Variants in GSKIP observed in about 807,000 individuals in gnomAD.
GSKIP encodes the protein GSK3B-interacting protein.
Under a neutral mutation model 11.9 loss-of-function variants are expected in GSKIP, and 5 were observed. That is an observed-to-expected ratio of 0.42 (90% CI 0.22 to 0.89). The LOEUF is 0.89. Among genes scored for constraint, GSKIP ranks in the 40% least tolerant of loss-of-function variants. GSKIP has a pLI of 0.29. For synonymous variants in GSKIP, 70 were observed against 62.9 expected (o/e 1.11, Z -0.54); for missense variants, 150 against 166.6 (o/e 0.90, Z 0.55).
At chr14:96,365,142 G>A (rs980675059) in intron 1 of GSKIP, 6 of 151,948 alleles carry the variant, frequency 3.9e-5, no homozygotes, top group Non-Finnish European at 2.9e-5. Flanking sequence ...TTGAAGGGAG[G>A]AGACATACAA....
At chr14:96,372,559 A>G (rs1407953857) in intron 1 of GSKIP, among the ~76,000 whole-genome samples, 1 of 152,268 alleles carries the variant, frequency 6.6e-6, no homozygotes, top group Non-Finnish European at 1.5e-5. Flanking sequence ...CATAAAACAT[A>G]TGGTGAGCAT....
rs546386007 is a variant in GSKIP at position 96,364,609 on chromosome 14, G to A, written c.-103+1041G>A. On this transcript the variant is annotated intron_variant, in intron 1 of 3. Coordinates refer to ENST00000555181, the MANE Select transcript of GSKIP (RefSeq NM_016472.5). ...AACCACCTTTTCGTTTTAGAACCAG[G>A]GTACTTTGTATGCAGTTGCTTGGAT... is the stretch of plus-strand genomic sequence containing the variant. The A allele has an allele frequency of 2.0e-5, 3 of 152,206 alleles. No individual in the cohort carries two copies. The East Asian group carries it at 5.8e-4, about 29-fold the overall frequency. The allele number at this position is 152,206 out of a possible 1,614,324, so 9.4% of individuals were successfully genotyped here.
At chr14:96,374,584 G>A (rs373734016) in intron 1 of GSKIP, among the ~76,000 whole-genome samples, 1 of 152,058 alleles carries the variant, frequency 6.6e-6, no homozygotes, top group Non-Finnish European at 1.5e-5. Flanking sequence ...TGCCCAGGCT[G>A]GTCATGAACT....
At chr14:96,365,014 T>G (rs1488665067) in intron 1 of GSKIP, 1 of 151,976 alleles carries the variant, frequency 6.6e-6, no homozygotes, top group East Asian at 1.9e-4. Flanking sequence ...AAGTGGAAGT[T>G]TGTTCATTTA....
At chr14:96,373,955 T>C (rs1777222786) in intron 1 of GSKIP, among the ~76,000 whole-genome samples, 1 of 152,208 alleles carries the variant, frequency 6.6e-6, no homozygotes, top group South Asian at 2.1e-4. Flanking sequence ...ATGTCTGGCA[T>C]CCAGTCAGAA....
At chr14:96,368,746 C>G (rs1888967758) in intron 1 of GSKIP, among the ~76,000 whole-genome samples, 1 of 152,112 alleles carries the variant, frequency 6.6e-6, no homozygotes, top group African/African-American at 2.4e-5. Context: ...TTCTCTCTCA[C>G]TTCCCCTCCC....
intron 1 of GSKIP, among the ~76,000 whole-genome samples, chr14:96,371,657 G>A (rs1889051731): frequency 1.3e-5 from 2 of 152,034 alleles, no homozygotes; most frequent in Non-Finnish European, 2.9e-5. Flanking sequence ...ATGTTGGCCA[G>A]ACTGGTCACA....
At chr14:96,377,401 G>A (rs1232397464) in intron 1 of GSKIP, among the ~76,000 whole-genome samples, 1 of 152,186 alleles carries the variant, frequency 6.6e-6, no homozygotes, top group African/African-American at 2.4e-5. Flanking sequence ...AGTGTTGATA[G>A]TAATTCTAGT....
intron 1 of GSKIP, among the ~76,000 whole-genome samples, chr14:96,367,645 A>G (rs1197995050): frequency 6.6e-6 from 1 of 152,236 alleles, no homozygotes; most frequent in African/African-American, 2.4e-5. Flanking sequence ...ATGAAACAAA[A>G]TAGTCTAATA....
intron 1 of GSKIP, among the ~76,000 whole-genome samples, chr14:96,368,157 AAAGGTTTAC>A (rs892498566): frequency 1.3e-5 from 2 of 151,180 alleles, no homozygotes; most frequent in African/African-American, 4.9e-5. Flanking sequence ...GTTTCGAAGG[AAAGGTTTAC>A]AAGGTTGTAT....
intron 1 of GSKIP, among the ~76,000 whole-genome samples, chr14:96,377,121 G>C (rs576285370): frequency 6.6e-6 from 1 of 152,252 alleles, no homozygotes; most frequent in South Asian, 2.1e-4. Flanking sequence ...ATCTGATACA[G>C]TGGCCACTAG....
At chr14:96,380,640 G>A (rs943482549) in intron 2 of GSKIP, among the ~76,000 whole-genome samples, 1 of 152,176 alleles carries the variant, frequency 6.6e-6, no homozygotes. Flanking sequence ...AAATAGCAAT[G>A]GACTGTGCAG....
chr14:96,369,348 G>A (rs1888982934), intron 1 of GSKIP, among the ~76,000 whole-genome samples: 1 of 152,216 alleles, frequency 6.6e-6, no homozygotes, highest in Admixed American at 6.5e-5. Flanking sequence ...TTGTGTTAAA[G>A]AAGGAAAGAG....
intron 1 of GSKIP, among the ~76,000 whole-genome samples, chr14:96,367,684 G>A (rs188370981): frequency 2.5e-4 from 38 of 152,292 alleles, no homozygotes; most frequent in African/African-American, 7.9e-4. Context: ...AAACGATTTA[G>A]TAATCAATGT....
intron 3 of GSKIP, 22 bp from the exon 4 acceptor site, chr14:96,385,501 C>G: frequency 6.3e-7 from 1 of 1,582,916 alleles, no homozygotes; most frequent in East Asian, 2.3e-5. Flanking sequence ...CTAATGAATT[C>G]ACTGTTGCAT....
intron 1 of GSKIP, among the ~76,000 whole-genome samples, chr14:96,369,423 A>G (rs999295388): frequency 2.0e-5 from 3 of 152,204 alleles, no homozygotes; most frequent in Non-Finnish European, 4.4e-5. Context: ...AGCCAAGACA[A>G]TGGGGAAAAG....
At chr14:96,382,613 A>G (rs1889379398) in intron 3 of GSKIP, 108 bp downstream of exon 3, 1 of 629,408 alleles carries the variant, frequency 1.6e-6, no homozygotes, top group Non-Finnish European at 2.4e-6. Flanking sequence ...CTGGATATTC[A>G]GTAGCTTCCA....
chr14:96,368,445 C>T (rs1483952079), intron 1 of GSKIP, among the ~76,000 whole-genome samples: 2 of 152,220 alleles, frequency 1.3e-5, no homozygotes, highest in African/African-American at 4.8e-5. Context: ...GCTGGGATTA[C>T]AGGCATGAGC....
intron 1 of GSKIP, among the ~76,000 whole-genome samples, chr14:96,370,953 T>G (rs1889031118): frequency 6.6e-6 from 1 of 152,224 alleles, no homozygotes; most frequent in Non-Finnish European, 1.5e-5. Context: ...TGCAGAATAA[T>G]TTTATAAACC....
Sources: gnomAD v4.1 joint callset for allele counts (sites outside exome capture counted in the v4.1 genomes callset) on GRCh38, gnomAD v4.1.1 for gene constraint, MANE v1.5 for transcripts, NCBI Gene and HGNC (gene_info 2026-07-23, HGNC 2026-07-21) for gene names.